Variants in SCFD1 observed in about 807,000 individuals in gnomAD.
SCFD1 encodes sec1 family domain containing 1.
SCFD1 carries 37 observed loss-of-function variants against 103.2 expected under a neutral mutation model. The observed-to-expected ratio is 0.36, with a 90% CI of 0.28 to 0.47. The LOEUF is 0.47. Ranked by LOEUF, SCFD1 falls within the 20% of genes least tolerant of loss-of-function variation. The pLI is 1.00. For missense variants in SCFD1, 639 were observed against 761.2 expected, an observed-to-expected ratio of 0.84 and a Z score of 1.89; for synonymous variants, 264 against 245.0, an observed-to-expected ratio of 1.08 and a Z score of -0.73.
Position 30,697,516 on chromosome 14 carries a change from G to A in SCFD1, c.1339+2647G>A, listed in dbSNP as rs376361705. The stretch of plus-strand genomic sequence containing the variant: ...TAACTGTAAGAAAAAGTAACGGTGC[G>A]GTGGAGAAGCCTGATAAATACCTTA... On this transcript the variant is annotated intron_variant, in intron 15 of 24. Transcript: ENST00000458591. Among the ~76,000 whole-genome samples, 121 of 152,226 alleles carry A rather than the reference G, an allele frequency of 7.9e-4. 1 individual carries two copies. Among genetic ancestry groups the A allele is most frequent in the East Asian group, 6.6e-3 (34 of 5,182 alleles).
At chr14:30,650,984 G>A (rs982649396) in intron 9 of SCFD1, among the ~76,000 whole-genome samples, 1 of 151,912 alleles carries the variant, frequency 6.6e-6, no homozygotes, top group Non-Finnish European at 1.5e-5. Context: ...ACTTATATCT[G>A]TTTCTACCTT....
rs1888982096 is a variant in SCFD1 at position 30,675,755 on chromosome 14, TA to T, written c.1242+695del. ...TTTATATGATGCATTTGAAACTGTT[TA>T]AAAAGCTGAATATAATTGCTGGCTG... On this transcript the variant is annotated intron_variant, in intron 14 of 24. Transcript: ENST00000458591. 3.3e-5 allele frequency among the ~76,000 whole-genome samples: 5 copies of T among 152,250 alleles called. No homozygotes were observed. In the South Asian group the frequency reaches 1.0e-3, roughly 32 times the overall value.
intron 1 of SCFD1, among the ~76,000 whole-genome samples, chr14:30,625,292 C>G (rs1344497673): frequency 6.6e-6 from 1 of 152,062 alleles, no homozygotes; most frequent in Non-Finnish European, 1.5e-5. Context: ...TTGAGTATCC[C>G]TTATCCAAAA....
intron 14 of SCFD1, among the ~76,000 whole-genome samples, chr14:30,690,676 C>T (rs543371077): frequency 2.7e-5 from 4 of 148,554 alleles, no homozygotes; most frequent in African/African-American, 5.1e-5. Context: ...GGCTCGCGCA[C>T]GGTGCGCACA....
intron 10 of SCFD1, among the ~76,000 whole-genome samples, chr14:30,661,449 G>C (rs887622420): frequency 2.0e-5 from 3 of 152,102 alleles, no homozygotes; most frequent in Admixed American, 2.0e-4. Flanking sequence ...TATCATTTTA[G>C]CTAGAAGCCC....
intron 17 of SCFD1, among the ~76,000 whole-genome samples, chr14:30,703,728 A>T (rs1347412430): frequency 6.6e-6 from 1 of 150,400 alleles, no homozygotes; most frequent in Non-Finnish European, 1.5e-5. Context: ...TGACTTTTGA[A>T]ACTTACTTTT....
intron 7 of SCFD1, among the ~76,000 whole-genome samples, chr14:30,647,672 A>G (rs1885974888): frequency 6.6e-6 from 1 of 151,960 alleles, no homozygotes. Flanking sequence ...TTTTCTTTCT[A>G]TTTTGTCACC....
chr14:30,649,363 G>GT (rs2139095192), intron 7 of SCFD1, among the ~76,000 whole-genome samples, 165 bp from the exon 8 acceptor site: 1 of 152,024 alleles, frequency 6.6e-6, no homozygotes, highest in Non-Finnish European at 1.5e-5. Context: ...ATATTTTTTA[G>GT]TTTTTTAAAA....
chr14:30,672,452 G>C (rs1888639085), intron 11 of SCFD1, among the ~76,000 whole-genome samples: 1 of 152,182 alleles, frequency 6.6e-6, no homozygotes, highest in Non-Finnish European at 1.5e-5. Context: ...TGTCAGAGCT[G>C]AGGAAGGGGG....
At chr14:30,733,694 T>C (rs541771622) in intron 23 of SCFD1, among the ~76,000 whole-genome samples, 1 of 152,364 alleles carries the variant, frequency 6.6e-6, no homozygotes, top group Non-Finnish European at 1.5e-5. Context: ...TTGCCAGCAT[T>C]GTTTAATAGA....
At chr14:30,626,360 C>G (rs909865048) in intron 1 of SCFD1, among the ~76,000 whole-genome samples, 2 of 151,936 alleles carry the variant, frequency 1.3e-5, no homozygotes, top group African/African-American at 4.8e-5. Flanking sequence ...GAGAATGACC[C>G]TGTATTGCAG....
Position 30,702,307 on chromosome 14 carries a change from G to A in SCFD1, c.1422G>A (p.Glu474=). 6.9e-6 allele frequency: 11 copies of A among 1,594,046 alleles called. No individual in the cohort carries two copies. Among genetic ancestry groups the A allele is most frequent in the Non-Finnish European group, 9.4e-6 (11 of 1,169,282 alleles). Residue 474 remains glutamate (E), a synonymous_variant, in exon 17 of 25, where the codon GAG becomes GAA. Transcript: ENST00000458591. ...TTTTCTTATTTCAGGCTGATTTGGA[G>A]CAATATAAAAAAGCTTTAACTGATG... ...TQQAPSEADL[E]QYKKALTDAG...
At chr14:30,670,591 ATTG>A (rs1406572183) in intron 11 of SCFD1, among the ~76,000 whole-genome samples, 196 bp downstream of exon 11, 8 of 151,716 alleles carry the variant, frequency 5.3e-5, no homozygotes, top group Non-Finnish European at 7.4e-5. Flanking sequence ...TTTTTTGTTC[ATTG>A]TTGTTTTATA....
intron 23 of SCFD1, among the ~76,000 whole-genome samples, chr14:30,725,876 G>A (rs747679782): frequency 1.6e-4 from 24 of 152,144 alleles, no homozygotes; most frequent in Admixed American, 3.3e-4. Context: ...GATGCAAACC[G>A]TCTCTATAAA....
intron 14 of SCFD1, among the ~76,000 whole-genome samples, chr14:30,679,679 C>T (rs116346806): frequency 0.019 from 2,248 of 117,490 alleles, 57 homozygotes; most frequent in African/African-American, 0.058. Flanking sequence ...TTCACATAAA[C>T]TGACTTTTTT....
chr14:30,650,464 A>T, intron 8 of SCFD1, 101 bp from the exon 9 acceptor site: 1 of 703,462 alleles, frequency 1.4e-6, no homozygotes, highest in Non-Finnish European at 2.5e-6. Flanking sequence ...TTGTAAAGAA[A>T]TTCCAGGTTT....
chr14:30,709,579 C>A (rs1891719489), intron 19 of SCFD1, among the ~76,000 whole-genome samples: 1 of 152,146 alleles, frequency 6.6e-6, no homozygotes, highest in Admixed American at 6.5e-5. Context: ...ATTCTACCTC[C>A]TGGTAAGGAG....
At chr14:30,678,226 C>T (rs572178673) in intron 14 of SCFD1, among the ~76,000 whole-genome samples, 2 of 152,258 alleles carry the variant, frequency 1.3e-5, no homozygotes, top group Non-Finnish European at 2.9e-5. Context: ...TTACATATTT[C>T]TTCTTTTGTT....
intron 14 of SCFD1, among the ~76,000 whole-genome samples, chr14:30,684,435 A>C (rs1467271038): frequency 6.6e-6 from 1 of 152,192 alleles, no homozygotes; most frequent in African/African-American, 2.4e-5. Flanking sequence ...GTCTTACACA[A>C]TCTGTATATG....
Sources: gnomAD v4.1 joint callset for allele counts (sites outside exome capture counted in the v4.1 genomes callset) on GRCh38, gnomAD v4.1.1 for gene constraint, MANE v1.5 for transcripts, NCBI Gene and HGNC (gene_info 2026-07-23, HGNC 2026-07-21) for gene names.